The following ABCA13 variants were observed in gnomAD, a reference collection of about 807,000 sequenced individuals.
The protein encoded by ABCA13 is ATP-binding cassette sub-family A member 13.
Under a neutral mutation model 478.7 loss-of-function variants are expected in ABCA13, and 476 were observed. That is an observed-to-expected ratio of 0.99 (90% CI 0.92 to 1.07). The LOEUF is 1.07. Among genes scored for constraint, ABCA13 ranks in the 50% least tolerant of loss-of-function variants. The pLI, the probability that ABCA13 is intolerant of heterozygous loss-of-function variation, is 0.00. For missense variants in ABCA13, 6,060 were observed against 5,910.6 expected (o/e 1.03, Z -0.83); for synonymous variants, 2,252 against 2,158.9 (o/e 1.04, Z -1.20).
chr7:48,489,480 C>T (rs1829652024), intron 48 of ABCA13, 136 bp downstream of exon 48: 1 of 679,144 alleles, frequency 1.5e-6, no homozygotes, highest in South Asian at 2.2e-5. Flanking sequence ...CAATCCGTGT[C>T]TAAACACAAT....
At chr7:48,427,915 G>T in intron 42 of ABCA13, 44 bp downstream of exon 42, 1 of 1,307,426 alleles carries the variant, frequency 7.6e-7, no homozygotes, top group South Asian at 1.3e-5. Flanking sequence ...GAGGAACAAT[G>T]ACACCAGCCT....
chr7:48,588,369 T>C (rs1336737542), intron 57 of ABCA13, among the ~76,000 whole-genome samples: 1 of 152,232 alleles, frequency 6.6e-6, no homozygotes, highest in South Asian at 2.1e-4. Flanking sequence ...TTCATTACTT[T>C]CTGTGGAATT....
chr7:48,200,510 C>A (rs1383392642), intron 3 of ABCA13, among the ~76,000 whole-genome samples: 1 of 152,198 alleles, frequency 6.6e-6, no homozygotes, highest in African/African-American at 2.4e-5. Context: ...CTTCACCTAA[C>A]ATTCTGAGAG....
At chr7:48,396,369 G>A (rs80175083) in intron 38 of ABCA13, among the ~76,000 whole-genome samples, 1 of 151,922 alleles carries the variant, frequency 6.6e-6, no homozygotes, top group African/African-American at 2.4e-5. Context: ...TCTTTTTTTT[G>A]TGCCAGCCGC....
rs774812047 is a variant in ABCA13 at position 48,550,635 on chromosome 7, T to A, written c.14354+22290T>A. 2.0e-4 allele frequency among the ~76,000 whole-genome samples: 30 copies of A among 151,970 alleles called. 1 individual carries two copies. The highest frequency in any genetic ancestry group is 6.8e-3 in the Middle Eastern group (2 of 294). ...TTGTTGTTTATTCTTCTTTTTTCAG[T>A]GGATGATGCCACTGGCTGAATAATA... On this transcript the variant is annotated intron_variant, in intron 55 of 61. Coordinates refer to ENST00000435803, the MANE Select transcript of ABCA13 (RefSeq NM_152701.5).
intron 10 of ABCA13, among the ~76,000 whole-genome samples, chr7:48,242,461 A>G (rs1487789335): frequency 2.0e-5 from 3 of 151,752 alleles, no homozygotes; most frequent in African/African-American, 7.3e-5. Flanking sequence ...TTGCTTTGAG[A>G]CAGTCTTGCT....
intron 48 of ABCA13, among the ~76,000 whole-genome samples, chr7:48,502,283 A>G (rs937083636): frequency 6.6e-6 from 1 of 152,220 alleles, no homozygotes; most frequent in Admixed American, 6.5e-5. Flanking sequence ...AATGACACAA[A>G]TCCAGGAAAT....
Position 48,274,161 on chromosome 7 carries a change from C to G in ABCA13, c.4495C>G (p.Gln1499Glu). 6.2e-7 allele frequency: 1 copy of G among 1,610,190 alleles called. No individual in the cohort carries two copies. The highest frequency in any genetic ancestry group is 8.5e-7 in the Non-Finnish European group (1 of 1,177,670). The change falls in exon 17 of 62, where the codon CAA becomes GAA. Residue 1499 changes from glutamine to glutamate, a missense_variant. Gln to Glu is a conservative substitution (Grantham distance 29, BLOSUM62 2). Coordinates refer to ENST00000435803, the MANE Select transcript of ABCA13 (RefSeq NM_152701.5). ...LLALLNDSTK[Q>E]VRMSINNLTT... ...AGCTCTTTTAAATGATTCCACAAAG[C>G]AAGTAAGGATGAGTATCAACAACTT...
chr7:48,639,281 T>G (rs1298508788), intron 59 of ABCA13, among the ~76,000 whole-genome samples: 1 of 152,226 alleles, frequency 6.6e-6, no homozygotes, highest in Non-Finnish European at 1.5e-5. Flanking sequence ...CCTTCCTCAG[T>G]GCCATCCTCT....
intron 38 of ABCA13, among the ~76,000 whole-genome samples, chr7:48,397,168 G>T (rs182275059): frequency 7.9e-5 from 12 of 152,232 alleles, no homozygotes; most frequent in Admixed American, 2.6e-4. Flanking sequence ...GCCTTGTATT[G>T]ATCAATTCTT....
At position 48,212,313 on chromosome 7, in the gene ABCA13, G is replaced by A. The variant is rs189962251; in HGVS notation, c.288-7041G>A. Among the ~76,000 whole-genome samples the A allele has an allele frequency of 7.2e-5, 11 of 152,320 alleles. No individual in the cohort carries two copies. The East Asian group carries it at 1.9e-3, about 27-fold the overall frequency. ...TCTTTCTCCATGCTGCACTGCCTGG[G>A]ATTGAGTGAGGAGAGGTAGGCAACG... On this transcript the variant is annotated intron_variant, in intron 3 of 61. Transcript: ENST00000435803.
intron 59 of ABCA13, among the ~76,000 whole-genome samples, chr7:48,640,946 T>C (rs1795060514): frequency 6.6e-6 from 1 of 152,222 alleles, no homozygotes; most frequent in African/African-American, 2.4e-5. Flanking sequence ...AGAGTGTTTC[T>C]ATTTTGGAAG....
chr7:48,594,590 T>C (rs899387709), intron 57 of ABCA13, 120 bp from the exon 58 acceptor site: 4 of 815,494 alleles, frequency 4.9e-6, no homozygotes, highest in Non-Finnish European at 6.2e-6. Context: ...ATTGGAGAGG[T>C]GTCTTTTAGA....
chr7:48,516,251 A>G (rs975429499), intron 51 of ABCA13, among the ~76,000 whole-genome samples: 4 of 152,200 alleles, frequency 2.6e-5, no homozygotes, highest in Admixed American at 1.3e-4. Flanking sequence ...AAATTCCAGA[A>G]ATAAACAATT....
intron 18 of ABCA13, 69 bp from the exon 19 acceptor site, chr7:48,281,274 C>G: frequency 1.6e-6 from 2 of 1,273,542 alleles, no homozygotes; most frequent in South Asian, 2.5e-5. Context: ...ACTTAACCTA[C>G]ACAGTAGAGA....
chr7:48,603,696 T>C, intron 58 of ABCA13: 1 of 196,086 alleles, frequency 5.1e-6, no homozygotes, highest in Non-Finnish European at 1.0e-5. Context: ...TTTTCTTTTT[T>C]TGTTCTTTTT....
Position 48,219,500 on chromosome 7 carries a change from C to A in ABCA13, c.434C>A (p.Thr145Asn). Reference protein sequence around the residue: ...LKRLWVERSNTPDSSYGSSFF... With the variant: ...LKRLWVERSNNPDSSYGSSFF... ...AGACTTTGGGTAGAACGATCCAACA[C>A]TCCAGGCAAGTAAACCTCTCATAAC... The change falls in exon 4 of 62, where the codon ACT (threonine) becomes AAT (asparagine). Residue 145 changes from threonine to asparagine, a missense_variant. By Grantham distance (65) the Thr-to-Asn change is moderately conservative. Transcript: ENST00000435803. 6.2e-7 allele frequency: 1 copy of A among 1,608,516 alleles called. No individual in the cohort carries two copies. The highest frequency in any genetic ancestry group is 8.5e-7 in the Non-Finnish European group (1 of 1,178,282).
At chr7:48,422,132 C>T (rs1168145738) in intron 41 of ABCA13, among the ~76,000 whole-genome samples, 1 of 147,826 alleles carries the variant, frequency 6.8e-6, no homozygotes, top group Non-Finnish European at 1.5e-5. Context: ...GAGAAGGAAG[C>T]AGGTACTTTT....
chr7:48,338,491 C>T (rs768511399), intron 29 of ABCA13, 36 bp downstream of exon 29: 13 of 1,517,494 alleles, frequency 8.6e-6, no homozygotes, highest in Non-Finnish European at 1.2e-5. Context: ...TGTTCTTCTG[C>T]CCATATGGCT....
Sources: gnomAD v4.1 joint callset for allele counts (sites outside exome capture counted in the v4.1 genomes callset) on GRCh38, gnomAD v4.1.1 for gene constraint, MANE v1.5 for transcripts, NCBI Gene and HGNC (gene_info 2026-07-23, HGNC 2026-07-21) for gene names.